ROCK1: variants seen among roughly 807,000 people sequenced by gnomAD.
ROCK1 encodes the protein Rho associated coiled-coil containing protein kinase 1, also known as rho-associated protein kinase 1.
In ROCK1, 36 loss-of-function variants were observed where a neutral mutation model predicts 196.8. The ratio of observed to expected loss-of-function variants is 0.18; its 90% CI spans 0.14 to 0.24. ROCK1 has a LOEUF of 0.24. Ranked by LOEUF, ROCK1 falls within the 10% of genes least tolerant of loss-of-function variation. The pLI is 1.00. For synonymous variants in ROCK1, 443 were observed against 515.9 expected (o/e 0.86, Z 1.91); for missense variants, 920 against 1,562.0 (o/e 0.59, Z 6.93).
intron 2 of ROCK1, among the ~76,000 whole-genome samples, chr18:21,064,300 C>T (rs1476338277): frequency 6.6e-6 from 1 of 152,136 alleles, no homozygotes; most frequent in African/African-American, 2.4e-5. Context: ...TCAGAACTGT[C>T]CTTCCTCCAT....
chr18:21,046,495 C>T (rs1224127719), intron 4 of ROCK1, among the ~76,000 whole-genome samples: 2 of 152,126 alleles, frequency 1.3e-5, no homozygotes, highest in Non-Finnish European at 2.9e-5. Context: ...GCACTTAGTG[C>T]AACAGATGCT....
At chr18:20,981,123 A>G (rs894799859) in intron 21 of ROCK1, among the ~76,000 whole-genome samples, 4 of 149,414 alleles carry the variant, frequency 2.7e-5, no homozygotes, top group Non-Finnish European at 6.0e-5. Context: ...GGCCGGGCGC[A>G]GTGGCTCACG....
chr18:21,020,619 T>C (rs2143463438), intron 11 of ROCK1, among the ~76,000 whole-genome samples: 1 of 152,244 alleles, frequency 6.6e-6, no homozygotes. Flanking sequence ...AGAGAAAAGG[T>C]CACTTCTAAC....
chr18:21,053,891 TA>T (rs2036225509), intron 2 of ROCK1, among the ~76,000 whole-genome samples: 1 of 152,196 alleles, frequency 6.6e-6, no homozygotes, highest in Non-Finnish European at 1.5e-5. Flanking sequence ...GACACATGCG[TA>T]TGTACTGGTA....
chr18:21,016,117 G>T (rs1023157890), intron 12 of ROCK1, among the ~76,000 whole-genome samples: 2 of 152,162 alleles, frequency 1.3e-5, no homozygotes, highest in African/African-American at 4.8e-5. Flanking sequence ...AAGTATTGAT[G>T]AGCATAAATG....
rs1341333000 is a variant in ROCK1, at chr18:20,991,322, T to C, written c.1997A>G (p.Lys666Arg). The change falls in exon 18 of 33, where the codon AAG (lysine) becomes AGG (arginine). Residue 666 changes from lysine (K) to arginine (R), a missense_variant. Physicochemically the swap from Lys to Arg is conservative, Grantham distance 26. Transcript: ENST00000399799. ...QDMLNHSEKEKNNLEIDLNYK... is the reference protein window; with the variant it reads ...QDMLNHSEKERNNLEIDLNYK... ...GTTTAAATCTATCTCTAAATTATTCTTTTCCTGTAAAATGGGAGTAGGAGT... is the reference window on the plus strand; with the variant it reads ...GTTTAAATCTATCTCTAAATTATTCCTTTCCTGTAAAATGGGAGTAGGAGT... 1 of 1,587,956 alleles carries C rather than the reference T, an allele frequency of 6.3e-7. No homozygotes were observed. The highest frequency in any genetic ancestry group is 2.2e-5 in the East Asian group (1 of 44,664).
intron 1 of ROCK1, among the ~76,000 whole-genome samples, chr18:21,109,925 CTTATT>C (rs1192531284): frequency 6.6e-6 from 1 of 151,996 alleles, no homozygotes; most frequent in Non-Finnish European, 1.5e-5. Flanking sequence ...TCCCTGAAAC[CTTATT>C]TTAGAGATTA....
chr18:20,971,347 C>CACAA (rs1435833339), intron 22 of ROCK1, among the ~76,000 whole-genome samples: 5 of 130,036 alleles, frequency 3.8e-5, no homozygotes, highest in Admixed American at 1.5e-4. Flanking sequence ...CACACACATA[C>CACAA]ACACAGAAAA....
At chr18:21,005,123 T>C (rs1233338842) in intron 16 of ROCK1, among the ~76,000 whole-genome samples, 4 of 152,232 alleles carry the variant, frequency 2.6e-5, no homozygotes, top group African/African-American at 7.2e-5. Context: ...TGGATGCTGC[T>C]GCTAACAGGA....
Position 21,006,529 on chromosome 18 carries a change from T to C in ROCK1, c.1707A>G (p.Thr569=), listed in dbSNP as rs779585855. The change falls in exon 16 of 33, where the codon ACA becomes ACG. Residue 569 remains threonine (T), a synonymous_variant. Transcript: ENST00000399799. ...ACTGACTAATTGACTTGCTCATCTC[T>C]GTGTGACTCTTCCTCAATCTTACAG... ...DTAVRLRKSH[T]EMSKSISQLE... The C allele has an allele frequency of 6.2e-7, 1 of 1,613,890 alleles. No homozygotes were observed. The highest frequency in any genetic ancestry group is 1.7e-5 in the Admixed American group (1 of 60,018).
At chr18:21,010,842 C>T (rs1226722229) in intron 13 of ROCK1, among the ~76,000 whole-genome samples, 1 of 152,174 alleles carries the variant, frequency 6.6e-6, no homozygotes, top group Admixed American at 6.5e-5. Context: ...ACTTTTGCTT[C>T]ACATACTTTG....
chr18:20,984,311 C>A, intron 20 of ROCK1, 40 bp downstream of exon 20: 1 of 1,477,494 alleles, frequency 6.8e-7, no homozygotes. Context: ...ATGATGAACA[C>A]AAAAAAGAAA....
At chr18:21,013,939 G>A (rs566227902) in intron 13 of ROCK1, among the ~76,000 whole-genome samples, 110 of 152,076 alleles carry the variant, frequency 7.2e-4, no homozygotes, top group Non-Finnish European at 1.3e-3. Context: ...GGTGGCGGGC[G>A]CCTGTGGTCC....
chr18:21,022,064 A>G (rs558886919), intron 11 of ROCK1, among the ~76,000 whole-genome samples: 1 of 150,804 alleles, frequency 6.6e-6, no homozygotes, highest in South Asian at 2.1e-4. Flanking sequence ...TCAAGGAGAA[A>G]GAAAAGAATC....
chr18:21,008,623 C>CA (rs2035789144), intron 13 of ROCK1, among the ~76,000 whole-genome samples: 1 of 152,198 alleles, frequency 6.6e-6, no homozygotes, highest in African/African-American at 2.4e-5. Context: ...TGAGTTACCA[C>CA]TATCAGTAAA....
At chr18:20,999,032 A>G (rs1432508823) in intron 16 of ROCK1, among the ~76,000 whole-genome samples, 2 of 152,182 alleles carry the variant, frequency 1.3e-5, no homozygotes, top group Non-Finnish European at 2.9e-5. Context: ...CCAAAACCAG[A>G]TGAAGACACA....
chr18:21,104,803 T>G (rs1025256296), intron 1 of ROCK1, among the ~76,000 whole-genome samples: 2 of 152,186 alleles, frequency 1.3e-5, no homozygotes, highest in East Asian at 1.9e-4. Context: ...ACTAAACCCT[T>G]GGCACAAAGT....
intron 1 of ROCK1, among the ~76,000 whole-genome samples, chr18:21,105,871 G>T (rs893768663): frequency 3.3e-5 from 5 of 152,108 alleles, no homozygotes; most frequent in Non-Finnish European, 5.9e-5. Context: ...TTCTTCAAGA[G>T]AGTGAAGACA....
chr18:21,031,377 G>C (rs1384422068), intron 9 of ROCK1, among the ~76,000 whole-genome samples: 2 of 152,058 alleles, frequency 1.3e-5, no homozygotes, highest in Non-Finnish European at 2.9e-5. Flanking sequence ...GGCTGAGGCA[G>C]GTGGATCACA....
Sources: gnomAD v4.1 joint callset for allele counts (sites outside exome capture counted in the v4.1 genomes callset) on GRCh38, gnomAD v4.1.1 for gene constraint, MANE v1.5 for transcripts, NCBI Gene and HGNC (gene_info 2026-07-23, HGNC 2026-07-21) for gene names.